Variants in MNAT1 observed in about 807,000 individuals in gnomAD.
The protein encoded by MNAT1 is MNAT1 component of CDK activating kinase.
A neutral mutation model predicts 42.0 loss-of-function variants in MNAT1; 43 were observed. The observed-to-expected ratio is 1.02, with a 90% CI of 0.80 to 1.32. The LOEUF (loss-of-function observed/expected upper bound fraction) is 1.32, where lower values mean the gene tolerates loss of function less well. MNAT1 is among the 40% of genes most tolerant of loss of function. The pLI is 0.00. For missense variants in MNAT1, 306 were observed against 350.4 expected (o/e 0.87, Z 1.01); for synonymous variants, 118 against 120.0 (o/e 0.98, Z 0.11).
intron 7 of MNAT1, among the ~76,000 whole-genome samples, chr14:60,903,865 GTTTT>G (rs35825181): frequency 1.7e-5 from 2 of 115,744 alleles, no homozygotes; most frequent in South Asian, 2.8e-4. Context: ...ACCCATGTAA[GTTTT>G]TTTTTTTTTT....
intron 6 of MNAT1, among the ~76,000 whole-genome samples, chr14:60,846,718 G>A (rs923251081): frequency 6.6e-6 from 1 of 152,136 alleles, no homozygotes; most frequent in Non-Finnish European, 1.5e-5. Flanking sequence ...GGCATGCTTT[G>A]TATGATCCCA....
intron 7 of MNAT1, among the ~76,000 whole-genome samples, chr14:60,905,360 G>A (rs1363601168): frequency 6.6e-6 from 1 of 152,120 alleles, no homozygotes; most frequent in African/African-American, 2.4e-5. Flanking sequence ...GTTAGATGCT[G>A]TTAGATATTT....
intron 1 of MNAT1, among the ~76,000 whole-genome samples, chr14:60,785,674 G>A (rs552577994): frequency 1.3e-5 from 2 of 152,148 alleles, no homozygotes; most frequent in East Asian, 3.9e-4. Context: ...GCTTTATATA[G>A]CTTATATAAT....
At chr14:60,952,480 C>T (rs1041563855) in intron 7 of MNAT1, among the ~76,000 whole-genome samples, 6 of 151,964 alleles carry the variant, frequency 3.9e-5, no homozygotes, top group Non-Finnish European at 7.4e-5. Context: ...ACCTGAAATA[C>T]GGTAACAATA....
At chr14:60,921,859 T>C (rs2035668111) in intron 7 of MNAT1, among the ~76,000 whole-genome samples, 1 of 152,164 alleles carries the variant, frequency 6.6e-6, no homozygotes, top group Admixed American at 6.5e-5. Flanking sequence ...GAGACATGGC[T>C]CTAAACAAGA....
chr14:60,894,692 G>T (rs559213568), intron 7 of MNAT1, among the ~76,000 whole-genome samples: 2 of 151,996 alleles, frequency 1.3e-5, no homozygotes, highest in Non-Finnish European at 2.9e-5. Flanking sequence ...GTTTGTGTGT[G>T]TGTCTGTTGG....
Position 60,798,069 on chromosome 14 carries a change from T to G in MNAT1, c.243-18T>G, listed in dbSNP as rs748441247. 3.2e-6 allele frequency: 4 copies of G among 1,251,418 alleles called. No homozygotes were observed. The East Asian group carries it at 9.3e-5, about 29-fold the overall frequency. 77.5% of individuals were successfully genotyped at this position (1,251,418 alleles called of 1,614,324 possible). A position where few individuals can be genotyped will look rare whatever the true frequency, so the allele number is the denominator to read the frequency against. ...CAATGATATGTAATATGTAGATTTC[T>G]TTTTTCTTTTCTTAAAGATACAATA... On this transcript the variant is annotated intron_variant, in intron 2 of 7. Transcript: ENST00000261245.
At chr14:60,854,653 G>T (rs547924173) in intron 6 of MNAT1, among the ~76,000 whole-genome samples, 32 of 152,274 alleles carry the variant, frequency 2.1e-4, no homozygotes, top group African/African-American at 7.5e-4. Flanking sequence ...AAAGATTGCT[G>T]CCTGCTCCTT....
At chr14:60,955,855 A>G (rs1444330254) in intron 7 of MNAT1, among the ~76,000 whole-genome samples, 2 of 151,482 alleles carry the variant, frequency 1.3e-5, no homozygotes, top group Non-Finnish European at 2.9e-5. Context: ...CAATTGTAAT[A>G]TCTCCTCCTT....
At chr14:60,785,044 G>GA in intron 1 of MNAT1, among the ~76,000 whole-genome samples, 1 of 151,864 alleles carries the variant, frequency 6.6e-6, no homozygotes, top group East Asian at 2.0e-4. Context: ...GTAGAGATGG[G>GA]ATTTCACTAT....
Position 60,734,773 on chromosome 14 carries a change from G to A in MNAT1, c.-90G>A. 1 of 1,214,298 alleles carries A rather than the reference G, an allele frequency of 8.2e-7. No individual in the cohort carries two copies. The highest frequency in any genetic ancestry group is 1.2e-6 in the Non-Finnish European group (1 of 828,542). The allele number at this position is 1,214,298 out of a possible 1,614,324, so 75.2% of individuals were successfully genotyped here. On this transcript the variant is annotated 5_prime_UTR_variant, in exon 1 of 8. Coordinates refer to ENST00000261245, the MANE Select transcript of MNAT1 (RefSeq NM_002431.4). The surrounding 1 kb of genome is among the most constrained non-coding windows in gnomAD (Gnocchi z 4.3). ...GACCGTCTCTGCCAAGCGCCTGTTG[G>A]TAGGAACCTGCTTGGTCGCGTCTGA... is the stretch of plus-strand genomic sequence containing the variant.
intron 6 of MNAT1, among the ~76,000 whole-genome samples, chr14:60,850,615 C>T (rs1571390): frequency 0.91 from 139,007 of 152,246 alleles, 64,191 homozygotes; most frequent in Non-Finnish European, 0.99. Flanking sequence ...CTTATTCATG[C>T]TTGGAATAAC....
At chr14:60,912,474 C>G (rs1006786412) in intron 7 of MNAT1, among the ~76,000 whole-genome samples, 1 of 152,108 alleles carries the variant, frequency 6.6e-6, no homozygotes, top group Non-Finnish European at 1.5e-5. Context: ...TGTTCCTTTC[C>G]ATGTTTAGTG....
At chr14:60,822,908 C>T (rs990329906) in intron 6 of MNAT1, among the ~76,000 whole-genome samples, 3 of 152,080 alleles carry the variant, frequency 2.0e-5, no homozygotes, top group African/African-American at 4.8e-5. Context: ...AGGTGTGTGC[C>T]ACCACACCCG....
chr14:60,949,337 A>G (rs777779107), intron 7 of MNAT1, among the ~76,000 whole-genome samples: 1 of 152,204 alleles, frequency 6.6e-6, no homozygotes, highest in Non-Finnish European at 1.5e-5. Flanking sequence ...TTTTTCTCTC[A>G]AAAGTAGAAT....
intron 1 of MNAT1, among the ~76,000 whole-genome samples, chr14:60,781,044 A>G (rs948054257): frequency 3.3e-5 from 5 of 152,224 alleles, no homozygotes; most frequent in Non-Finnish European, 7.4e-5. Flanking sequence ...CTAATAATCT[A>G]TAAACAATGA....
rs1426153356 is a variant in MNAT1 at position 60,762,002 on chromosome 14, A to G, written c.89+27051A>G. On this transcript the variant is annotated intron_variant, in intron 1 of 7. Coordinates refer to ENST00000261245, the MANE Select transcript of MNAT1 (RefSeq NM_002431.4). ...CTGTGAACTGGTACGTTCTAATTCT[A>G]GTGCTTTATACATTGCAACATTAAA... Among the ~76,000 whole-genome samples the G allele has an allele frequency of 3.3e-5, 5 of 152,330 alleles. No individual in the cohort carries two copies. The East Asian group carries it at 9.6e-4, about 29-fold the overall frequency.
intron 6 of MNAT1, among the ~76,000 whole-genome samples, chr14:60,855,481 G>A (rs577224099): frequency 6.6e-6 from 1 of 152,294 alleles, no homozygotes; most frequent in Admixed American, 6.5e-5. Context: ...TTTGCACATT[G>A]CAAAAACCGT....
chr14:60,920,463 A>G (rs1366795867), intron 7 of MNAT1, among the ~76,000 whole-genome samples: 3 of 152,096 alleles, frequency 2.0e-5, no homozygotes, highest in Admixed American at 6.5e-5. Flanking sequence ...TCCGTCGCCC[A>G]GGCTGGAGTG....
Sources: allele counts gnomAD v4.1 joint callset (sites outside exome capture counted in the v4.1 genomes callset), GRCh38; gene constraint gnomAD v4.1.1; non-coding constraint Gnocchi (gnomAD v3.1); transcripts MANE v1.5; gene names NCBI Gene and HGNC (gene_info 2026-07-23, HGNC 2026-07-21).